The following LMO1 variants were observed in gnomAD, a reference collection of about 807,000 sequenced individuals.
LMO1 encodes the protein rhombotin-1.
In LMO1, 10 loss-of-function variants were observed where a neutral mutation model predicts 18.0. That is an observed-to-expected ratio of 0.55 (90% CI 0.34 to 0.94). The LOEUF (loss-of-function observed/expected upper bound fraction) is 0.94. Ranked by LOEUF, LMO1 falls within the 40% of genes least tolerant of loss-of-function variation. LMO1 has a pLI of 0.02. For synonymous variants in LMO1, 77 were observed against 77.9 expected (o/e 0.99, Z 0.06); for missense variants, 183 against 205.7 (o/e 0.89, Z 0.68).
At chr11:8,234,048 A>G (rs2134535311) in intron 1 of LMO1, among the ~76,000 whole-genome samples, 1 of 152,284 alleles carries the variant, frequency 6.6e-6, no homozygotes, top group Middle Eastern at 3.4e-3. Flanking sequence ...ACTCAGATGC[A>G]TGCGCTGGGC....
chr11:8,253,344 G>A (rs1847036583), intron 1 of LMO1, among the ~76,000 whole-genome samples: 1 of 152,196 alleles, frequency 6.6e-6, no homozygotes, highest in South Asian at 2.1e-4. Context: ...ACAGAGAAAT[G>A]GCACCAGTCA....
At chr11:8,255,634 C>T (rs1286876747) in intron 1 of LMO1, among the ~76,000 whole-genome samples, 1 of 152,202 alleles carries the variant, frequency 6.6e-6, no homozygotes, top group Non-Finnish European at 1.5e-5. Context: ...CAGCCATCCT[C>T]CATCCTCCAG....
upstream of LMO1, among the ~76,000 whole-genome samples, chr11:8,265,755 A>G (rs1279173816): frequency 6.6e-6 from 1 of 152,110 alleles, no homozygotes; most frequent in East Asian, 1.9e-4. Context: ...CAGTGTAGCA[A>G]GCACAGGGCC....
At chr11:8,264,922 C>A (rs752553873), upstream of LMO1, among the ~76,000 whole-genome samples, 3 of 152,242 alleles carry the variant, frequency 2.0e-5, no homozygotes, top group African/African-American at 7.2e-5. Flanking sequence ...TGAGCTGCTG[C>A]GCCTGGCCGG....
chr11:8,267,474 G>A (rs1175717934), upstream of LMO1, among the ~76,000 whole-genome samples: 1 of 152,150 alleles, frequency 6.6e-6, no homozygotes, highest in African/African-American at 2.4e-5. Flanking sequence ...CCAGCACTTC[G>A]TCCTTCAGGC....
chr11:8,234,315 C>T (rs2134536111), intron 1 of LMO1, among the ~76,000 whole-genome samples: 1 of 152,290 alleles, frequency 6.6e-6, no homozygotes, highest in Non-Finnish European at 1.5e-5. Context: ...GGACGCACTG[C>T]CAGAGGTCAT....
intron 1 of LMO1, among the ~76,000 whole-genome samples, chr11:8,245,204 G>T (rs532610003): frequency 6.6e-5 from 10 of 152,254 alleles, no homozygotes; most frequent in African/African-American, 2.4e-4. Flanking sequence ...CCCTCCTACA[G>T]CATGCTCCGC....
At chr11:8,228,520 AG>A (rs1952590171) in intron 2 of LMO1, among the ~76,000 whole-genome samples, 1 of 152,200 alleles carries the variant, frequency 6.6e-6, no homozygotes, top group Non-Finnish European at 1.5e-5. Flanking sequence ...CCATCGGCCC[AG>A]GAACAGTTGC....
chr11:8,235,144 C>CA (rs2134538687), intron 1 of LMO1, among the ~76,000 whole-genome samples: 1 of 47,588 alleles, frequency 2.1e-5, no homozygotes, highest in East Asian at 8.7e-4. Flanking sequence ...TTAACAGTCA[C>CA]CCCAGGATAC....
At chr11:8,253,388 G>A (rs967711014) in intron 1 of LMO1, among the ~76,000 whole-genome samples, 1 of 152,172 alleles carries the variant, frequency 6.6e-6, no homozygotes. Flanking sequence ...GCCTGTTCAA[G>A]TTTCAACAGA....
intron 1 of LMO1, among the ~76,000 whole-genome samples, chr11:8,231,344 G>T (rs550448186): frequency 6.6e-6 from 1 of 152,368 alleles, no homozygotes; most frequent in African/African-American, 2.4e-5. Flanking sequence ...CGCGGCAGGC[G>T]AGCATGTGCG....
At chr11:8,228,476 C>T (rs763166355) in intron 2 of LMO1, among the ~76,000 whole-genome samples, 1 of 152,234 alleles carries the variant, frequency 6.6e-6, no homozygotes, top group African/African-American at 2.4e-5. Flanking sequence ...AAGGCTAGGC[C>T]ACAGCATCTG....
chr11:8,242,625 G>A (rs781333631), intron 1 of LMO1, among the ~76,000 whole-genome samples: 2 of 152,208 alleles, frequency 1.3e-5, no homozygotes, highest in Non-Finnish European at 2.9e-5. Context: ...AAGCTGCACA[G>A]CTGTGGGGAC....
intron 1 of LMO1, among the ~76,000 whole-genome samples, chr11:8,236,163 A>G (rs1273836063): frequency 2.6e-5 from 4 of 151,968 alleles, no homozygotes; most frequent in Non-Finnish European, 5.9e-5. Context: ...CTGCTCTGGA[A>G]AGAGCCCTGG....
chr11:8,235,413 T>C (rs1021407901), intron 1 of LMO1, among the ~76,000 whole-genome samples: 1 of 152,220 alleles, frequency 6.6e-6, no homozygotes, highest in Non-Finnish European at 1.5e-5. Context: ...CCTAATACTT[T>C]CGGTTTGCAA....
intron 1 of LMO1, among the ~76,000 whole-genome samples, chr11:8,244,138 C>T (rs1590545268): frequency 6.6e-6 from 1 of 152,186 alleles, no homozygotes; most frequent in East Asian, 1.9e-4. Context: ...GCAGGGGCTT[C>T]ACAGGGAGCC....
Position 8,241,359 on chromosome 11 carries a change from A to G in LMO1, c.26-10855T>C, listed in dbSNP as rs554228776. The stretch of plus-strand genomic sequence containing the variant: ...GCATGATGTCTGGTACCCACAGCCA[A>G]TTCTTCACACGGCAGCTGGAGAGAT... On this transcript the variant is annotated intron_variant, in intron 1 of 3. Transcript: ENST00000335790. Among the ~76,000 whole-genome samples the G allele has an allele frequency of 7.5e-4, 115 of 152,350 alleles. 2 individuals carry two copies. Among genetic ancestry groups the G allele is most frequent in the African/African-American group, 2.7e-3 (114 of 41,590 alleles).
chr11:8,234,278 G>A (rs78353807), intron 1 of LMO1, among the ~76,000 whole-genome samples: 3,795 of 152,190 alleles, frequency 0.025, 160 homozygotes, highest in African/African-American at 0.085. Flanking sequence ...TTTAATCTGG[G>A]GGAAAGCCAG....
upstream of LMO1, among the ~76,000 whole-genome samples, chr11:8,267,111 G>A (rs1372086057): frequency 1.3e-5 from 2 of 152,224 alleles, no homozygotes; most frequent in Non-Finnish European, 2.9e-5. Flanking sequence ...GCCTGGACAG[G>A]CCTTCTTGCA....
Sources: gnomAD v4.1 joint callset for allele counts (sites outside exome capture counted in the v4.1 genomes callset) on GRCh38, gnomAD v4.1.1 for gene constraint, MANE v1.5 for transcripts, NCBI Gene and HGNC (gene_info 2026-07-23, HGNC 2026-07-21) for gene names.